TENM3: variants seen among roughly 807,000 people sequenced by gnomAD.
TENM3 encodes teneurin-3.
In TENM3, 63 loss-of-function variants were observed where a neutral mutation model predicts 255.1. The ratio of observed to expected loss-of-function variants is 0.25; its 90% confidence interval spans 0.20 to 0.30. The LOEUF (loss-of-function observed/expected upper bound fraction) is 0.30. Ranked by LOEUF, TENM3 falls within the 10% of genes least tolerant of loss-of-function variation. TENM3 has a pLI of 1.00. For synonymous variants in TENM3, 1,306 were observed against 1,322.3 expected (o/e 0.99, Z 0.27); for missense variants, 2,929 against 3,461.1 (o/e 0.85, Z 3.86).
At chr4:182,604,638 T>C (rs1748238138) in intron 4 of TENM3, among the ~76,000 whole-genome samples, 2 of 152,222 alleles carry the variant, frequency 1.3e-5, no homozygotes, top group Admixed American at 1.3e-4. Context: ...GTAAAGTTAA[T>C]TGCCTGCAAG....
chr4:182,350,381 T>A (rs1414507432), intron 3 of TENM3: 1 of 152,226 alleles, frequency 6.6e-6, no homozygotes, highest in African/African-American at 2.4e-5. Flanking sequence ...AAAAAATATT[T>A]TACAGTATAT....
At chr4:182,097,804 C>T in the TENM3 span, among the ~76,000 whole-genome samples, 33,051 of 151,862 alleles carry the variant, frequency 0.22, 3,797 homozygotes, top group South Asian at 0.25. Context: ...TGTTTGGTTC[C>T]GGCACCAACT....
chr4:182,064,186 A>T, the TENM3 span, among the ~76,000 whole-genome samples: 12 of 110,554 alleles, frequency 1.1e-4, no homozygotes, highest in East Asian at 2.2e-3. Flanking sequence ...ATTACCGATT[A>T]AAAAAAAAAA....
the TENM3 span, among the ~76,000 whole-genome samples, chr4:181,867,185 T>C: frequency 1.3e-5 from 2 of 152,188 alleles, no homozygotes; most frequent in African/African-American, 4.8e-5. Context: ...ACGAGTGACT[T>C]AATCGCTACT....
the TENM3 span, among the ~76,000 whole-genome samples, chr4:181,657,339 C>T: frequency 6.6e-6 from 1 of 152,142 alleles, no homozygotes; most frequent in East Asian, 1.9e-4. Flanking sequence ...AAAACAACCC[C>T]ATTTTAAACA....
At chr4:182,037,725 G>A in the TENM3 span, among the ~76,000 whole-genome samples, 9 of 152,202 alleles carry the variant, frequency 5.9e-5, no homozygotes, top group African/African-American at 1.2e-4. Flanking sequence ...AGGAAGCATC[G>A]GCATCTTACT....
the TENM3 span, among the ~76,000 whole-genome samples, chr4:182,010,148 C>A: frequency 1.3e-5 from 2 of 152,176 alleles, no homozygotes; most frequent in Non-Finnish European, 2.9e-5. Flanking sequence ...GCCATCTTGG[C>A]CCCGCCCCCC....
chr4:181,740,962 T>A, the TENM3 span, among the ~76,000 whole-genome samples: 1 of 152,288 alleles, frequency 6.6e-6, no homozygotes, highest in South Asian at 2.1e-4. Context: ...GCTTTATTAT[T>A]ACCTGTGAGA....
chr4:182,582,623 T>C (rs1745603292), intron 3 of TENM3, among the ~76,000 whole-genome samples: 1 of 151,852 alleles, frequency 6.6e-6, no homozygotes, highest in South Asian at 2.1e-4. Context: ...AAAAAAAACA[T>C]ATAAAATAGA....
chr4:182,427,224 C>T (rs556011579), intron 3 of TENM3, among the ~76,000 whole-genome samples: 1 of 152,188 alleles, frequency 6.6e-6, no homozygotes, highest in Admixed American at 6.5e-5. Flanking sequence ...TTTGTCTTTA[C>T]ACTTTGGACG....
the TENM3 span, among the ~76,000 whole-genome samples, chr4:181,670,655 G>C: frequency 6.6e-6 from 1 of 152,156 alleles, no homozygotes; most frequent in African/African-American, 2.4e-5. Flanking sequence ...AACACTGTAG[G>C]TATTACATCA....
chr4:181,473,858 T>A, the TENM3 span, among the ~76,000 whole-genome samples: 91 of 146,744 alleles, frequency 6.2e-4, no homozygotes, highest in African/African-American at 2.2e-3. Context: ...CAGTATATAT[T>A]CTGTGTATAA....
chr4:182,039,208 A>G, the TENM3 span, among the ~76,000 whole-genome samples: 1 of 152,164 alleles, frequency 6.6e-6, no homozygotes, highest in Admixed American at 6.5e-5. Flanking sequence ...AGATGTTTGA[A>G]TCCTGTTTTC....
the TENM3 span, among the ~76,000 whole-genome samples, chr4:181,497,804 A>T: frequency 3.0e-4 from 45 of 152,308 alleles, no homozygotes; most frequent in African/African-American, 1.1e-3. Context: ...TTACAGTTTC[A>T]CATTTGTTGC....
intron 23 of TENM3, 47 bp downstream of exon 23, chr4:182,773,694 C>G: frequency 6.5e-7 from 1 of 1,542,834 alleles, no homozygotes; most frequent in Non-Finnish European, 8.8e-7. Flanking sequence ...AGCACCCAGA[C>G]AGAATGCGGC....
chr4:182,199,302 A>C lies in TENM3; in HGVS notation c.-76+54548A>C, dbSNP rs149435220. On this transcript the variant is annotated intron_variant, in intron 1 of 2. Coordinates refer to the TENM3 transcript ENST00000512480. Reference sequence around the variant, plus strand: ...AACATGGTGAAACCCCGTCTCTACTATCCCAGCTACTCAGGAGGCTGAGGC... The same window carrying C: ...AACATGGTGAAACCCCGTCTCTACTCTCCCAGCTACTCAGGAGGCTGAGGC... 7.9e-4 allele frequency among the ~76,000 whole-genome samples: 120 copies of C among 152,230 alleles called. 2 individuals carry two copies. The highest frequency in any genetic ancestry group is 2.8e-3 in the African/African-American group (116 of 41,542).
In TENM3 at chr4:182,388,759, A is replaced by T. The variant is rs147874422; in HGVS notation, c.511+41830A>T. Among the ~76,000 whole-genome samples the T allele has an allele frequency of 7.9e-5, 12 of 152,344 alleles. No homozygotes were observed. The East Asian group carries it at 1.5e-3, about 20-fold the overall frequency. On this transcript the variant is annotated intron_variant, in intron 3 of 27. Coordinates refer to ENST00000511685, the MANE Select transcript of TENM3 (RefSeq NM_001080477.4). ...AAATTTAGATCATAAAGGAAATTGA[A>T]TGTGAAACTCTCTGGCCACCCCAAT...
At chr4:182,361,944 C>T (rs1485367947) in intron 3 of TENM3, among the ~76,000 whole-genome samples, 2 of 152,132 alleles carry the variant, frequency 1.3e-5, no homozygotes, top group African/African-American at 4.8e-5. Flanking sequence ...CAGACAGGAC[C>T]CTCAGCTGCA....
chr4:182,020,771 T>C, the TENM3 span, among the ~76,000 whole-genome samples: 1 of 152,148 alleles, frequency 6.6e-6, no homozygotes, highest in Non-Finnish European at 1.5e-5. Flanking sequence ...CCAGTGGTTT[T>C]CCATCACTCC....
Sources: allele counts gnomAD v4.1 joint callset (sites outside exome capture counted in the v4.1 genomes callset), GRCh38; gene constraint gnomAD v4.1.1; transcripts MANE v1.5; gene names NCBI Gene and HGNC (gene_info 2026-07-23, HGNC 2026-07-21).